The following PTPDC1 variants were observed in gnomAD, a reference collection of about 807,000 sequenced individuals.
The protein encoded by PTPDC1 is protein tyrosine phosphatase domain-containing protein 1.
A neutral mutation model predicts 75.3 loss-of-function variants in PTPDC1; 53 were observed. The observed-to-expected ratio is 0.70, with a 90% confidence interval of 0.56 to 0.88. PTPDC1 has a LOEUF of 0.88. PTPDC1 is among the 40% of genes least tolerant of loss of function. The pLI is 0.00. For synonymous variants in PTPDC1, 349 were observed against 366.2 expected, an observed-to-expected ratio of 0.95 and a Z score of 0.54; for missense variants, 925 against 998.6, an observed-to-expected ratio of 0.93 and a Z score of 0.99.
intron 1 of PTPDC1, among the ~76,000 whole-genome samples, chr9:94,059,522 A>T (rs2118486126): frequency 6.6e-6 from 1 of 152,352 alleles, no homozygotes; most frequent in African/African-American, 2.4e-5. Context: ...CAGAAGACAA[A>T]TATTTTGATG....
At chr9:94,090,112 T>C (rs1827255468) in intron 4 of PTPDC1, among the ~76,000 whole-genome samples, 1 of 118,854 alleles carries the variant, frequency 8.4e-6, no homozygotes, top group Admixed American at 9.2e-5. Flanking sequence ...TTTTGTCTTT[T>C]GTTGCCATTG....
Position 94,104,463 on chromosome 9 carries a change from GTCC to G in PTPDC1, c.2310+84_2310+86del, listed in dbSNP as rs1827949439. ...TGTAAATCAGAATCCAGAGGTCACC[GTCC>G]TCCTCTAAAATAAAACATGTATGTG... On this transcript the variant is annotated intron_variant, in intron 8 of 8. Coordinates refer to ENST00000620992, the MANE Select transcript of PTPDC1 (RefSeq NM_001253829.2). 3.4e-6 allele frequency: 3 copies of G among 890,982 alleles called. No individual in the cohort carries two copies. The Admixed American group carries it at 6.3e-5, about 19-fold the overall frequency. The allele number at this position is 890,982 out of a possible 1,614,324, so 55.2% of individuals were successfully genotyped here. A position where few individuals can be genotyped will look rare whatever the true frequency, so the allele number is the denominator to read the frequency against.
intron 2 of PTPDC1, among the ~76,000 whole-genome samples, chr9:94,074,358 C>T (rs1826608318): frequency 6.6e-6 from 1 of 152,192 alleles, no homozygotes; most frequent in Non-Finnish European, 1.5e-5. Flanking sequence ...GGAACATTGC[C>T]TTGCACTGTC....
chr9:94,082,669 A>G (rs566705347), upstream of PTPDC1, among the ~76,000 whole-genome samples: 1 of 152,206 alleles, frequency 6.6e-6, no homozygotes. Flanking sequence ...CTGAGCAAGC[A>G]TGCAGAAAGG....
At chr9:94,105,969 T>A (rs1435204077) in intron 8 of PTPDC1, among the ~76,000 whole-genome samples, 1 of 150,498 alleles carries the variant, frequency 6.6e-6, no homozygotes, top group East Asian at 1.9e-4. Context: ...CAAGACTCCA[T>A]CTCAAAAAAA....
At chr9:94,074,297 T>A (rs941949394) in intron 2 of PTPDC1, among the ~76,000 whole-genome samples, 1 of 152,124 alleles carries the variant, frequency 6.6e-6, no homozygotes, top group African/African-American at 2.4e-5. Flanking sequence ...GATGACGAAG[T>A]GGAATTTCAG....
chr9:94,040,269 T>C (rs949219037), intron 1 of PTPDC1, among the ~76,000 whole-genome samples: 2 of 152,250 alleles, frequency 1.3e-5, no homozygotes, highest in African/African-American at 4.8e-5. Flanking sequence ...TCTGGCCAGT[T>C]GAGCCTAGTC....
Position 94,085,409 on chromosome 9 carries a change from G to T in PTPDC1, c.403G>T (p.Val135Phe), listed in dbSNP as rs1280036649. 1.9e-6 allele frequency: 3 copies of T among 1,614,106 alleles called. No homozygotes were observed. In the South Asian group the frequency reaches 3.3e-5, roughly 18 times the overall value. ...TGAGCAGGAGCAAGCCATTAAGGGGGTTTACTCATCCTGGTGAGTGATCCT... is the reference window on the plus strand; with the variant it reads ...TGAGCAGGAGCAAGCCATTAAGGGGTTTTACTCATCCTGGTGAGTGATCCT... Reference protein sequence around the residue: ...WSEQEQAIKGVYSSWVTDNIL... With the variant: ...WSEQEQAIKGFYSSWVTDNIL... The change falls in exon 2 of 9, where the codon GTT becomes TTT. Residue 135 changes from valine (V) to phenylalanine (F), a missense_variant. Physicochemically the swap from Val to Phe is conservative, Grantham distance 50. Coordinates refer to ENST00000620992, the MANE Select transcript of PTPDC1 (RefSeq NM_001253829.2).
chr9:94,058,514 C>T (rs1228429246), intron 1 of PTPDC1, among the ~76,000 whole-genome samples: 1 of 150,438 alleles, frequency 6.6e-6, no homozygotes, highest in Non-Finnish European at 1.5e-5. Flanking sequence ...GCCTGGCCAA[C>T]ATGGTGAAAT....
chr9:94,094,419 A>G (rs1203679702), intron 4 of PTPDC1, among the ~76,000 whole-genome samples: 1 of 152,076 alleles, frequency 6.6e-6, no homozygotes, highest in African/African-American at 2.4e-5. Context: ...CCACTTGAGG[A>G]GGCAGTCTGC....
intron 1 of PTPDC1, among the ~76,000 whole-genome samples, chr9:94,060,638 C>T (rs1826099030): frequency 6.6e-6 from 1 of 152,176 alleles, no homozygotes; most frequent in South Asian, 2.1e-4. Context: ...AGCTTTTACT[C>T]ATAGCAGAAG....
At chr9:94,031,530 C>T (rs1306889763) in intron 1 of PTPDC1, among the ~76,000 whole-genome samples, 1 of 152,046 alleles carries the variant, frequency 6.6e-6, no homozygotes, top group Admixed American at 6.5e-5. Context: ...CAGTTTGTGA[C>T]CTCTAATTTA....
At chr9:94,106,574 G>T (rs1436211065) in intron 8 of PTPDC1, among the ~76,000 whole-genome samples, 4 of 152,164 alleles carry the variant, frequency 2.6e-5, no homozygotes, top group African/African-American at 7.2e-5. Context: ...AGAAATAAAA[G>T]TTGTCTGTCT....
At chr9:94,064,447 T>A (rs1001709992) in intron 1 of PTPDC1, among the ~76,000 whole-genome samples, 5 of 152,268 alleles carry the variant, frequency 3.3e-5, no homozygotes, top group African/African-American at 1.2e-4. Flanking sequence ...CAATGGAAAC[T>A]GTATCATTTG....
At chr9:94,062,127 T>A (rs1047795590) in intron 1 of PTPDC1, among the ~76,000 whole-genome samples, 3 of 152,136 alleles carry the variant, frequency 2.0e-5, no homozygotes, top group Non-Finnish European at 4.4e-5. Flanking sequence ...TGCTTAGAAA[T>A]TTCTTCCACT....
chr9:94,047,950 C>A, intron 1 of PTPDC1, among the ~76,000 whole-genome samples: 1 of 152,154 alleles, frequency 6.6e-6, no homozygotes, highest in Non-Finnish European at 1.5e-5. Flanking sequence ...AAAAAAAGTC[C>A]AGGAGCAGAT....
intron 1 of PTPDC1, among the ~76,000 whole-genome samples, chr9:94,047,232 C>T (rs1587843901): frequency 6.6e-6 from 1 of 152,108 alleles, no homozygotes; most frequent in Non-Finnish European, 1.5e-5. Context: ...TGATGTGCTG[C>T]TGGATTTGGT....
rs757366318 is a variant in PTPDC1 at position 94,104,425 on chromosome 9, TC to T, written c.2310+41del. ...TCCTTTCCCCTCTCTGAACCACAGATCAGCATCATCTTTGTAAATCAGAATC... is the reference window on the plus strand; with the variant it reads ...TCCTTTCCCCTCTCTGAACCACAGATAGCATCATCTTTGTAAATCAGAATC... On this transcript the variant is annotated intron_variant, in intron 8 of 8. Coordinates refer to ENST00000620992, the MANE Select transcript of PTPDC1 (RefSeq NM_001253829.2). 3.0e-6 allele frequency: 4 copies of T among 1,311,972 alleles called. No individual in the cohort carries two copies. In the Admixed American group the frequency reaches 7.0e-5, roughly 23 times the overall value. The allele number at this position is 1,311,972 out of a possible 1,614,324, so 81.3% of individuals were successfully genotyped here.
intron 4 of PTPDC1, among the ~76,000 whole-genome samples, chr9:94,090,697 T>A (rs1827282079): frequency 8.0e-6 from 1 of 124,860 alleles, no homozygotes. Flanking sequence ...CGATATTGAT[T>A]CTTCCTACCC....
Sources: gnomAD v4.1 joint callset for allele counts (sites outside exome capture counted in the v4.1 genomes callset) on GRCh38, gnomAD v4.1.1 for gene constraint, MANE v1.5 for transcripts, NCBI Gene and HGNC (gene_info 2026-07-23, HGNC 2026-07-21) for gene names.